The following HSPG2 variants were observed in gnomAD, a reference collection of about 807,000 sequenced individuals.
The protein encoded by HSPG2 is basement membrane-specific heparan sulfate proteoglycan core protein.
In HSPG2, 278 loss-of-function variants were observed where a neutral mutation model predicts 526.6. The ratio of observed to expected loss-of-function variants is 0.53; its 90% CI spans 0.48 to 0.58. The LOEUF is 0.58. Among genes scored for constraint, HSPG2 ranks in the 20% least tolerant of loss-of-function variants. The pLI, the probability that HSPG2 is intolerant of heterozygous loss-of-function variation, is 0.00. For missense variants in HSPG2, 5,354 were observed against 6,099.5 expected (o/e 0.88, Z 4.07); for synonymous variants, 2,465 against 2,555.4 (o/e 0.96, Z 1.07).
intron 1 of HSPG2, among the ~76,000 whole-genome samples, chr1:21,914,821 G>A (rs923783894): frequency 1.3e-5 from 2 of 152,162 alleles, no homozygotes; most frequent in Non-Finnish European, 2.9e-5. Flanking sequence ...TCCTCCCCGG[G>A]CAGGTGTGAA....
intron 1 of HSPG2, among the ~76,000 whole-genome samples, chr1:21,934,702 T>TCTCCTGCCTCAGC (rs1644438485): frequency 6.6e-6 from 1 of 151,586 alleles, no homozygotes; most frequent in African/African-American, 2.4e-5. Flanking sequence ...TTAACGCCAT[T>TCTCCTGCCTCAGC]CTCCTGCCTC....
chr1:21,890,419 C>G lies in HSPG2; in HGVS notation c.413+8G>C, dbSNP rs771403037. 1 of 1,613,804 alleles carries G rather than the reference C, an allele frequency of 6.2e-7. No individual in the cohort carries two copies. The highest frequency in any genetic ancestry group is 2.2e-5 in the East Asian group (1 of 44,874). ...TCCCCCAGCAGCCCCCAGGGAGCCC[C>G]TTCTCACTTGATGAACACCACACTG... On this transcript the variant is annotated splice_region_variant and intron_variant, in intron 5 of 96. Transcript: ENST00000374695. This position sits in a 1 kb window ranked among gnomAD's most constrained non-coding sequence, Gnocchi z 4.1.
At position 21,839,090 on chromosome 1, in the gene HSPG2, G is replaced by A; in HGVS notation, c.9890-5C>T. ...CCGTGGTGGCATATGGTGGGCCTGA[G>A]TGGGGGGACACAGAGGTCAGGATTG... is the stretch of plus-strand genomic sequence containing the variant. On this transcript the variant is annotated splice_region_variant and splice_polypyrimidine_tract_variant and intron_variant, in intron 73 of 96. Coordinates refer to ENST00000374695, the MANE Select transcript of HSPG2 (RefSeq NM_005529.7). This position sits in a 1 kb window ranked among gnomAD's most constrained non-coding sequence, Gnocchi z 4.5. The A allele has an allele frequency of 1.3e-6, 2 of 1,576,112 alleles. No homozygotes were observed. The highest frequency in any genetic ancestry group is 1.7e-6 in the Non-Finnish European group (2 of 1,156,582).
At chr1:21,915,691 G>T (rs183726888) in intron 1 of HSPG2, among the ~76,000 whole-genome samples, 1 of 152,158 alleles carries the variant, frequency 6.6e-6, no homozygotes. Flanking sequence ...TGGAAATGTT[G>T]CGTGCCTGCA....
In HSPG2 at chr1:21,862,085, A is replaced by G; in HGVS notation, c.4771T>C (p.Cys1591Arg). The change falls in exon 38 of 97, where the codon TGC becomes CGC. Residue 1591 changes from cysteine to arginine, a missense_variant. Coordinates refer to ENST00000374695, the MANE Select transcript of HSPG2 (RefSeq NM_005529.7). ...TAGTAGCCAGGGGCACAAAGCTCGC[A>G]GAACTCCCCTGCGGCGTTGTGCTGG... ...QCQHNAAGEF[C>R]ELCAPGYYGD... 1 of 1,613,898 alleles carries G rather than the reference A, an allele frequency of 6.2e-7. No individual in the cohort carries two copies. Among genetic ancestry groups the G allele is most frequent in the Non-Finnish European group, 8.5e-7 (1 of 1,180,028 alleles).
In HSPG2 at chr1:21,924,559, A is replaced by C. The variant is rs113967272; in HGVS notation, c.63+12596T>G. Among the ~76,000 whole-genome samples, 4 of 152,080 alleles carry C rather than the reference A, an allele frequency of 2.6e-5. No individual in the cohort carries two copies. In the South Asian group the frequency reaches 8.3e-4, roughly 32 times the overall value. On this transcript the variant is annotated intron_variant, in intron 1 of 96. Transcript: ENST00000374695. ...TTCTTCTGCTTGGAAGACGGCCAAC[A>C]AACAAGAAAGGAGCCCATCTTGTGA... is the stretch of plus-strand genomic sequence containing the variant.
At position 21,844,254 on chromosome 1, in the gene HSPG2, C is replaced by A. The variant is rs755825232; in HGVS notation, c.8510G>T (p.Arg2837Leu). The change falls in exon 65 of 97, where the codon CGA becomes CTA. Residue 2837 changes from arginine (R) to leucine (L), a missense_variant. Coordinates refer to ENST00000374695, the MANE Select transcript of HSPG2 (RefSeq NM_005529.7). The part of the protein sequence containing the change: ...PPIRIEPSSS[R>L]VAEGQTLDLK... ...ATCCAGGGTCTGCCCTTCTGCCACT[C>A]GGGAGGAGGAGGGCTCGATGCGGAT... 1.4e-5 allele frequency: 22 copies of A among 1,613,750 alleles called. No individual in the cohort carries two copies. The highest frequency in any genetic ancestry group is 1.8e-5 in the Non-Finnish European group (21 of 1,180,016).
chr1:21,841,793 C>T, intron 69 of HSPG2, 120 bp from the exon 70 acceptor site: 1 of 1,385,686 alleles, frequency 7.2e-7, no homozygotes, highest in Non-Finnish European at 1.0e-6. Context: ...GTGTGTCTAG[C>T]TCATGGAGTC....
chr1:21,873,857 G>A, intron 29 of HSPG2, 68 bp downstream of exon 29: 1 of 1,370,050 alleles, frequency 7.3e-7, no homozygotes. Flanking sequence ...GGAGCGCTGG[G>A]CCCTGCCTGA....
Position 21,828,861 on chromosome 1 carries a change from C to T in HSPG2, c.12211G>A (p.Ala4071Thr), listed in dbSNP as rs761160862. ...TCGCCCACACAGCCGCGGAAGTGAG[C>T]GCTCATGTTGGTGGCCGGGGACAGT... ...VPLSPATNMS[A>T]HFRGCVGEVS... is the part of the protein sequence containing the mutation. The change falls in exon 88 of 97, where the codon GCT becomes ACT. Residue 4071 changes from alanine (A) to threonine (T), a missense_variant. Physicochemically the swap from Ala to Thr is moderately conservative, Grantham distance 58. Transcript: ENST00000374695. This position sits in a 1 kb window ranked among gnomAD's most constrained non-coding sequence, Gnocchi z 6.0. 2.2e-5 allele frequency: 34 copies of T among 1,551,418 alleles called. No homozygotes were observed. Among genetic ancestry groups the T allele is most frequent in the African/African-American group, 9.6e-5 (7 of 73,082 alleles).
At position 21,859,455 on chromosome 1, in the gene HSPG2, C is replaced by T. The variant is rs760307701; in HGVS notation, c.5293+111G>A. 106 of 825,944 alleles carry T rather than the reference C, an allele frequency of 1.3e-4. No homozygotes were observed. The highest frequency in any genetic ancestry group is 1.7e-4 in the Non-Finnish European group (85 of 492,078). The allele number at this position is 825,944 out of a possible 1,614,324, so 51.2% of individuals were successfully genotyped here. On this transcript the variant is annotated intron_variant, in intron 42 of 96. Transcript: ENST00000374695. This position sits in a 1 kb window ranked among gnomAD's most constrained non-coding sequence, Gnocchi z 5.3. ...CATCTCCATGGCTGCTGACCTTGTT[C>T]GGGCAACCACTGCCCCCTCCCAGCA...
chr1:21,869,577 C>T, intron 33 of HSPG2: 1 of 986,224 alleles, frequency 1.0e-6, no homozygotes. Flanking sequence ...GAGGAGAGAG[C>T]CCCTGGGGAG....
chr1:21,896,944 C>T (rs1258770790), intron 1 of HSPG2, among the ~76,000 whole-genome samples: 2 of 152,212 alleles, frequency 1.3e-5, no homozygotes, highest in Non-Finnish European at 2.9e-5. Context: ...AGCGCGGAGG[C>T]AGAGCTCAGT....
intron 1 of HSPG2, among the ~76,000 whole-genome samples, chr1:21,924,710 C>A (rs1015476410): frequency 1.3e-5 from 2 of 152,064 alleles, no homozygotes; most frequent in Non-Finnish European, 1.5e-5. Context: ...ATCTTGGGGA[C>A]TTCCTCTTAT....
rs1327744845 is a variant in HSPG2 at position 21,850,093 on chromosome 1, T to C, written c.7394A>G (p.His2465Arg). 5 of 1,613,362 alleles carry C rather than the reference T, an allele frequency of 3.1e-6. No individual in the cohort carries two copies. Among genetic ancestry groups the C allele is most frequent in the African/African-American group, 1.3e-5 (1 of 74,942 alleles). ...DLNCLVAGQA[H>R]AQVTWHKRGG... is the part of the protein sequence containing the mutation. ...GCGCTTGTGCCACGTGACCTGGGCA[T>C]GGGCCTGACCAGCAACGAGGCAGTT... Residue 2465 changes from histidine (H) to arginine (R), a missense_variant, in exon 57 of 97, where the codon CAT (histidine) becomes CGT (arginine). By Grantham distance (29) the His-to-Arg change is conservative. Transcript: ENST00000374695.
chr1:21,851,145 A>G (rs1638861444), intron 55 of HSPG2, among the ~76,000 whole-genome samples: 1 of 151,766 alleles, frequency 6.6e-6, no homozygotes, highest in Non-Finnish European at 1.5e-5. Context: ...GCTAATTTTT[A>G]TATTTTTAAT....
rs1179675316 is a variant in HSPG2, at chr1:21,859,688, G to A, written c.5183-12C>T. On this transcript the variant is annotated splice_polypyrimidine_tract_variant and intron_variant, in intron 41 of 96. Coordinates refer to ENST00000374695, the MANE Select transcript of HSPG2 (RefSeq NM_005529.7). This position sits in a 1 kb window ranked among gnomAD's most constrained non-coding sequence, Gnocchi z 5.3. ...GTGGAGCTCGGAGCCTGGTGGGGAG[G>A]AGACAAGAGCTTGTTGGTGCAGATA... 1.2e-6 allele frequency: 2 copies of A among 1,601,378 alleles called. No homozygotes were observed. The highest frequency in any genetic ancestry group is 4.5e-5 in the East Asian group (2 of 44,462).
rs1033791084 is a variant in HSPG2 at position 21,911,958 on chromosome 1, T to C, written c.64-15648A>G. Reference sequence around the variant, plus strand: ...AAGCAGAAATCAAGAAACCACTAAATAAAGGATTTCTGGGCTACTTCTGAG... The same window carrying C: ...AAGCAGAAATCAAGAAACCACTAAACAAAGGATTTCTGGGCTACTTCTGAG... On this transcript the variant is annotated intron_variant, in intron 1 of 96. Transcript: ENST00000374695. Among the ~76,000 whole-genome samples the C allele has an allele frequency of 3.3e-5, 5 of 152,128 alleles. No homozygotes were observed. In the East Asian group the frequency reaches 7.7e-4, roughly 23 times the overall value.
rs1380506497 is a variant in HSPG2 at position 21,833,367 on chromosome 1, A to C, written c.10996T>G (p.Phe3666Val). The C allele has an allele frequency of 2.5e-6, 4 of 1,614,152 alleles. No individual in the cohort carries two copies. The highest frequency in any genetic ancestry group is 3.4e-6 in the Non-Finnish European group (4 of 1,180,002). ...AGGAAGGAGTAGGGGGTCTGCGTGAAGTAGGGCACCACCCGCTCTGCCAGC... is the reference window on the plus strand; with the variant it reads ...AGGAAGGAGTAGGGGGTCTGCGTGACGTAGGGCACCACCCGCTCTGCCAGC... Reference protein sequence around the residue: ...LQVPERVVPYFTQTPYSFLPL... With the variant: ...LQVPERVVPYVTQTPYSFLPL... The change falls in exon 80 of 97, where the codon TTC (phenylalanine) becomes GTC (valine). Residue 3666 changes from phenylalanine to valine, a missense_variant. Coordinates refer to ENST00000374695, the MANE Select transcript of HSPG2 (RefSeq NM_005529.7).
Sources: gnomAD v4.1 joint callset for allele counts (sites outside exome capture counted in the v4.1 genomes callset) on GRCh38, gnomAD v4.1.1 for gene constraint, Gnocchi (gnomAD v3.1) non-coding constraint, MANE v1.5 for transcripts, NCBI Gene and HGNC (gene_info 2026-07-23, HGNC 2026-07-21) for gene names.